The following SKI variants were observed in gnomAD, a reference collection of about 807,000 sequenced individuals.
SKI encodes the protein ski oncogene.
In SKI, 23 loss-of-function variants were observed where a neutral mutation model predicts 59.3. The observed-to-expected ratio is 0.39, with a 90% CI of 0.28 to 0.55. The LOEUF (loss-of-function observed/expected upper bound fraction) is 0.55, where lower values mean the gene tolerates loss of function less well. SKI is among the 20% of genes least tolerant of loss of function. The probability of loss-of-function intolerance (pLI) is 0.67; values close to 1 mark genes in which losing one functional copy is unlikely to be tolerated. For missense variants in SKI, 1,017 were observed against 1,038.9 expected (o/e 0.98, Z 0.29); for synonymous variants, 673 against 488.6 (o/e 1.38, Z -4.98).
intron 6 of SKI, 114 bp from the exon 7 acceptor site, chr1:2,306,463 C>A: frequency 8.6e-7 from 1 of 1,157,320 alleles, no homozygotes; most frequent in Non-Finnish European, 1.2e-6. Flanking sequence ...GAGGGGCCGG[C>A]ACGCGGCACT....
intron 1 of SKI, among the ~76,000 whole-genome samples, chr1:2,261,492 T>C (rs1442937571): frequency 6.6e-6 from 1 of 152,236 alleles, no homozygotes; most frequent in Non-Finnish European, 1.5e-5. Flanking sequence ...GATTTATTGA[T>C]TTATCTATTG....
intron 1 of SKI, among the ~76,000 whole-genome samples, chr1:2,251,562 T>C (rs150453256): frequency 6.6e-6 from 1 of 152,248 alleles, no homozygotes; most frequent in Non-Finnish European, 1.5e-5. Flanking sequence ...CCATCGAGGC[T>C]CATCCCCAGC....
At chr1:2,292,002 T>G (rs905865614) in intron 1 of SKI, among the ~76,000 whole-genome samples, 2 of 152,274 alleles carry the variant, frequency 1.3e-5, no homozygotes, top group Non-Finnish European at 2.9e-5. Flanking sequence ...TTATCATGTG[T>G]GAAATATTAA....
intron 5 of SKI, 71 bp downstream of exon 5, chr1:2,304,656 G>T (rs1640522968): frequency 5.4e-6 from 8 of 1,479,398 alleles, no homozygotes; most frequent in Non-Finnish European, 6.3e-6. Context: ...AGGTGAACGG[G>T]CACAGGTGGT....
Position 2,229,357 on chromosome 1 carries a change from G to T in SKI, c.591G>T (p.Pro197=), listed in dbSNP as rs774502280. The T allele has an allele frequency of 6.3e-7, 1 of 1,597,790 alleles. No homozygotes were observed. Among genetic ancestry groups the T allele is most frequent in the South Asian group, 1.1e-5 (1 of 89,600 alleles). Residue 197 remains proline (P), a synonymous_variant, in exon 1 of 7, where the codon CCG becomes CCT. Transcript: ENST00000378536. This position sits in a 1 kb window ranked among gnomAD's most constrained non-coding sequence, Gnocchi z 6.3. ...NALLYGGAYP[P]PCKKELAASL... ...TGCTCTACGGCGGCGCCTACCCGCC[G>T]CCCTGCAAGAAGGAGCTGGCCGCCA...
chr1:2,246,153 C>T (rs1325807100), intron 1 of SKI, among the ~76,000 whole-genome samples: 1 of 152,170 alleles, frequency 6.6e-6, no homozygotes, highest in African/African-American at 2.4e-5. Context: ...TTTTCCACTC[C>T]CAGCAACAGC....
At position 2,245,179 on chromosome 1, in the gene SKI, G is replaced by A. The variant is rs555314571; in HGVS notation, c.969+15444G>A. ...CTAGGGGCCTCCTGTGAGTGGAATC[G>A]CACAGGATCTGTCCTTTTGTGACAG... On this transcript the variant is annotated intron_variant, in intron 1 of 6. Coordinates refer to ENST00000378536, the MANE Select transcript of SKI (RefSeq NM_003036.4). Among the ~76,000 whole-genome samples the A allele has an allele frequency of 4.6e-3, 697 of 151,990 alleles. 9 individuals are homozygous for A. The highest frequency in any genetic ancestry group is 0.016 in the African/African-American group (669 of 41,426).
chr1:2,295,760 C>A (rs1053587621), intron 1 of SKI, among the ~76,000 whole-genome samples: 9 of 152,198 alleles, frequency 5.9e-5, no homozygotes, highest in African/African-American at 1.9e-4. Flanking sequence ...CCGGCCTCAG[C>A]ACAGTATTTT....
intron 1 of SKI, among the ~76,000 whole-genome samples, chr1:2,278,896 C>T (rs771941341): frequency 2.6e-5 from 4 of 152,184 alleles, no homozygotes; most frequent in Admixed American, 6.5e-5. Context: ...GGTTAGGGCC[C>T]GAGTGCTTGC....
chr1:2,290,559 C>T (rs1485112129), intron 1 of SKI, among the ~76,000 whole-genome samples: 1 of 152,000 alleles, frequency 6.6e-6, no homozygotes, highest in African/African-American at 2.4e-5. Context: ...GTCGTCAGAG[C>T]TTCTGACCTC....
intron 1 of SKI, among the ~76,000 whole-genome samples, chr1:2,300,335 G>A (rs1423914664): frequency 1.3e-5 from 2 of 152,210 alleles, no homozygotes; most frequent in Non-Finnish European, 2.9e-5. Flanking sequence ...GGTGTGTCAG[G>A]TCCAGAGCCG....
intron 1 of SKI, among the ~76,000 whole-genome samples, chr1:2,274,539 C>T (rs1366639903): frequency 6.6e-6 from 1 of 152,202 alleles, no homozygotes; most frequent in Non-Finnish European, 1.5e-5. Context: ...TCAGTCCTCC[C>T]CAGGGGCCAC....
chr1:2,295,688 A>G (rs1022856931), intron 1 of SKI, among the ~76,000 whole-genome samples: 3 of 151,872 alleles, frequency 2.0e-5, no homozygotes, highest in African/African-American at 4.8e-5. Context: ...TCCGGGTCAC[A>G]CGTGACTGTG....
At chr1:2,233,115 G>A (rs1638678247) in intron 1 of SKI, among the ~76,000 whole-genome samples, 1 of 152,146 alleles carries the variant, frequency 6.6e-6, no homozygotes, top group Non-Finnish European at 1.5e-5. Context: ...TCAGCCAAGC[G>A]CTTTCCGTGC....
intron 1 of SKI, among the ~76,000 whole-genome samples, chr1:2,233,888 C>T (rs1360885903): frequency 6.6e-6 from 1 of 152,170 alleles, no homozygotes; most frequent in Admixed American, 6.5e-5. Context: ...GCTCAGCGGC[C>T]GTGTGTGGGT....
Position 2,306,675 on chromosome 1 carries a change from G to GAA in SKI, c.2098_2099dup (p.Val701ArgfsTer3). 1 of 1,544,730 alleles carries GAA rather than the reference G, an allele frequency of 6.5e-7. No individual in the cohort carries two copies. ...AGCGCGAGGCCCGGGAGCACCTGGAGAAGGTGGTGAAGGAGCTGCAGGAAC... is the reference window on the plus strand; with the variant it reads ...AGCGCGAGGCCCGGGAGCACCTGGAGAAAAGGTGGTGAAGGAGCTGCAGGAAC... On this transcript the variant is annotated frameshift_variant, in exon 7 of 7. Coordinates refer to ENST00000378536, the MANE Select transcript of SKI (RefSeq NM_003036.4). LOFTEE classifies it high-confidence loss of function.
rs987843028 is a variant in SKI at position 2,268,967 on chromosome 1, A to G, written c.970-34011A>G. Reference sequence around the variant, plus strand: ...TCCTTCTCTCCCTCTTCTTTTTTCGACAGGGTCTGGCTCTGGCTCTGTCAC... The same window carrying G: ...TCCTTCTCTCCCTCTTCTTTTTTCGGCAGGGTCTGGCTCTGGCTCTGTCAC... On this transcript the variant is annotated intron_variant, in intron 1 of 6. Coordinates refer to ENST00000378536, the MANE Select transcript of SKI (RefSeq NM_003036.4). The surrounding 1 kb of genome is among the most constrained non-coding windows in gnomAD (Gnocchi z 5.0). Among the ~76,000 whole-genome samples the G allele has an allele frequency of 1.0e-4, 14 of 140,056 alleles. No individual in the cohort carries two copies. In the Admixed American group the frequency reaches 1.0e-3, roughly 10 times the overall value. The allele number at this position is 140,056 out of a possible 152,430, so 91.9% of individuals were successfully genotyped here. A position where few individuals can be genotyped will look rare whatever the true frequency, so the allele number is the denominator to read the frequency against.
Position 2,303,595 on chromosome 1 carries a change from G to C in SKI, c.1211+195G>C. ...GAGCGTTCCCTGTGTTCTGGGTGGA[G>C]TCGTGGGTGGAGCCCTGTCTGCTGG... On this transcript the variant is annotated intron_variant, in intron 3 of 6. Coordinates refer to ENST00000378536, the MANE Select transcript of SKI (RefSeq NM_003036.4). The surrounding 1 kb of genome is among the most constrained non-coding windows in gnomAD (Gnocchi z 5.6). 4.4e-6 allele frequency: 3 copies of C among 685,850 alleles called. No homozygotes were observed. The highest frequency in any genetic ancestry group is 7.4e-6 in the Non-Finnish European group (3 of 408,100). 42.5% of individuals were successfully genotyped at this position (685,850 alleles called of 1,614,324 possible).
rs1640604908 is a variant in SKI at position 2,306,916 on chromosome 1, T to C, written c.*151T>C. ...CAAGCGAGTGTTTGTAACCATGTAG[T>C]TTTGGAACCCACTGCAAAATTTTCT... On this transcript the variant is annotated 3_prime_UTR_variant, in exon 7 of 7. Coordinates refer to ENST00000378536, the MANE Select transcript of SKI (RefSeq NM_003036.4). 1.9e-6 allele frequency: 1 copy of C among 516,984 alleles called. No homozygotes were observed. Among genetic ancestry groups the C allele is most frequent in the Non-Finnish European group, 2.9e-6 (1 of 346,202 alleles). The allele number at this position is 516,984 out of a possible 1,614,324, so 32.0% of individuals were successfully genotyped here.
Sources: allele counts gnomAD v4.1 joint callset (sites outside exome capture counted in the v4.1 genomes callset), GRCh38; gene constraint gnomAD v4.1.1; non-coding constraint Gnocchi (gnomAD v3.1); transcripts MANE v1.5; gene names NCBI Gene and HGNC (gene_info 2026-07-23, HGNC 2026-07-21).